The following ACYP2 variants were observed in gnomAD, a reference collection of about 807,000 sequenced individuals.
ACYP2 encodes acylphosphatase-2.
A neutral mutation model predicts 11.2 loss-of-function variants in ACYP2; 12 were observed. That is an observed-to-expected ratio of 1.08 (90% confidence interval 0.69 to 1.74). The LOEUF is 1.74. Among genes scored for constraint, ACYP2 ranks in the 40% most tolerant of loss-of-function variants. ACYP2 has a pLI of 0.00. For synonymous variants in ACYP2, 43 were observed against 32.2 expected (o/e 1.33, Z -1.13); for missense variants, 134 against 101.9 (o/e 1.31, Z -1.35).
intron 6 of ACYP2, among the ~76,000 whole-genome samples, chr2:54,155,896 A>G (rs1682410565): frequency 6.6e-6 from 1 of 152,226 alleles, no homozygotes; most frequent in South Asian, 2.1e-4. Flanking sequence ...ACTGAGTCCT[A>G]GTTTCATAGC....
At chr2:54,219,784 A>G (rs1685703081) in intron 6 of ACYP2, among the ~76,000 whole-genome samples, 1 of 134,530 alleles carries the variant, frequency 7.4e-6, no homozygotes, top group African/African-American at 2.9e-5. Context: ...ACACCCAGCT[A>G]ATTTTTATGT....
chr2:54,038,843 A>G (rs1298268505), intron 2 of ACYP2, among the ~76,000 whole-genome samples: 3 of 151,244 alleles, frequency 2.0e-5, no homozygotes, highest in Non-Finnish European at 4.4e-5. Context: ...CATTTGTTCC[A>G]TAGGTGGCAA....
intron 4 of ACYP2, among the ~76,000 whole-genome samples, chr2:54,065,203 G>C (rs1676684548): frequency 6.6e-6 from 1 of 152,164 alleles, no homozygotes; most frequent in African/African-American, 2.4e-5. Context: ...CTGGATTTAA[G>C]GGTTATTTAA....
chr2:54,101,615 A>C (rs1005772843), intron 4 of ACYP2, among the ~76,000 whole-genome samples: 13 of 149,416 alleles, frequency 8.7e-5, no homozygotes, highest in African/African-American at 3.2e-4. Context: ...CAGAGTTTGC[A>C]GTGAGCCAAG....
At chr2:54,088,457 G>T (rs1678056197) in intron 4 of ACYP2, among the ~76,000 whole-genome samples, 1 of 152,196 alleles carries the variant, frequency 6.6e-6, no homozygotes, top group African/African-American at 2.4e-5. Flanking sequence ...TCAACCTCAG[G>T]TGTCTGCCAG....
chr2:54,135,563 A>G (rs1681174447), intron 5 of ACYP2, 94 bp downstream of exon 2: 9 of 986,050 alleles, frequency 9.1e-6, no homozygotes, highest in Non-Finnish European at 1.4e-5. Flanking sequence ...GCGCTAGTCT[A>G]CTGTTTACTC....
At chr2:54,142,002 TG>T in intron 6 of ACYP2, 1 of 462,892 alleles carries the variant, frequency 2.2e-6, no homozygotes, top group East Asian at 3.1e-5. Flanking sequence ...TGTGTGTGTG[TG>T]TGTGTGTGTA....
chr2:54,183,527 G>T (rs950509088), intron 6 of ACYP2, among the ~76,000 whole-genome samples: 1 of 149,352 alleles, frequency 6.7e-6, no homozygotes, highest in Non-Finnish European at 1.5e-5. Flanking sequence ...GCGAGACCCG[G>T]TCTCAAAAAA....
intron 4 of ACYP2, among the ~76,000 whole-genome samples, chr2:54,120,701 T>C: frequency 6.6e-6 from 1 of 152,200 alleles, no homozygotes; most frequent in Admixed American, 6.5e-5. Flanking sequence ...CAGGCTGTGC[T>C]ACTGGTCTGG....
At chr2:54,268,156 C>T (rs1299205217) in intron 6 of ACYP2, among the ~76,000 whole-genome samples, 1 of 152,196 alleles carries the variant, frequency 6.6e-6, no homozygotes, top group Non-Finnish European at 1.5e-5. Flanking sequence ...GCCCCTTCCT[C>T]CCTACCTGAA....
intron 4 of ACYP2, among the ~76,000 whole-genome samples, chr2:54,124,178 A>G (rs1254104645): frequency 1.3e-5 from 2 of 151,734 alleles, no homozygotes; most frequent in African/African-American, 4.9e-5. Flanking sequence ...CTAAATTTCT[A>G]TTAAGTTCAT....
chr2:54,302,812 C>T (rs924833158), intron 6 of ACYP2, among the ~76,000 whole-genome samples: 4 of 152,118 alleles, frequency 2.6e-5, no homozygotes, highest in African/African-American at 9.7e-5. Context: ...TGTCATCCTT[C>T]ACTCCTCTCC....
At chr2:54,296,871 G>C (rs1056523568) in intron 6 of ACYP2, among the ~76,000 whole-genome samples, 1 of 151,692 alleles carries the variant, frequency 6.6e-6, no homozygotes, top group African/African-American at 2.4e-5. Flanking sequence ...GTTTTTATAA[G>C]CTTATCAGTG....
chr2:54,207,664 G>C (rs1249061141), intron 6 of ACYP2, among the ~76,000 whole-genome samples: 3 of 152,060 alleles, frequency 2.0e-5, no homozygotes, highest in African/African-American at 7.2e-5. Flanking sequence ...TACTAACTTG[G>C]ATTCAATATT....
intron 6 of ACYP2, among the ~76,000 whole-genome samples, chr2:54,227,805 A>C (rs1188174028): frequency 2.0e-5 from 3 of 152,236 alleles, no homozygotes; most frequent in African/African-American, 7.2e-5. Flanking sequence ...ACAGATATGA[A>C]TAGTGGTACC....
chr2:54,161,164 A>G (rs1411745426), intron 6 of ACYP2, among the ~76,000 whole-genome samples: 1 of 152,166 alleles, frequency 6.6e-6, no homozygotes, highest in Non-Finnish European at 1.5e-5. Context: ...AACTAGAGCA[A>G]TGGATGCTTA....
chr2:54,204,267 A>T (rs1558611604), intron 6 of ACYP2, among the ~76,000 whole-genome samples: 1 of 151,328 alleles, frequency 6.6e-6, no homozygotes, highest in Admixed American at 6.6e-5. Context: ...TGCTGGGATT[A>T]CTGGCATGAG....
intron 6 of ACYP2, among the ~76,000 whole-genome samples, chr2:54,177,286 C>A (rs749662425): frequency 5.3e-5 from 8 of 152,094 alleles, no homozygotes; most frequent in Non-Finnish European, 8.8e-5. Flanking sequence ...GGATATCCCT[C>A]GTCACCAGGC....
intron 2 of ACYP2, among the ~76,000 whole-genome samples, chr2:54,006,735 C>T (rs1229374194): frequency 6.6e-6 from 1 of 152,128 alleles, no homozygotes; most frequent in Non-Finnish European, 1.5e-5. Flanking sequence ...TGGGCTCAAA[C>T]TATCTATAGG....
Sources: gnomAD v4.1 joint callset for allele counts (sites outside exome capture counted in the v4.1 genomes callset) on GRCh38, gnomAD v4.1.1 for gene constraint, MANE v1.5 for transcripts, NCBI Gene and HGNC (gene_info 2026-07-23, HGNC 2026-07-21) for gene names.